KCNH1: variants seen among roughly 807,000 people sequenced by gnomAD.
KCNH1 encodes the protein voltage-gated delayed rectifier potassium channel KCNH1.
In KCNH1, 27 loss-of-function variants were observed where a neutral mutation model predicts 69.2. The ratio of observed to expected loss-of-function variants is 0.39; its 90% CI spans 0.29 to 0.54. The LOEUF (loss-of-function observed/expected upper bound fraction) is 0.54, where lower values mean the gene tolerates loss of function less well. KCNH1 is among the 20% of genes least tolerant of loss of function. The pLI is 0.68. For missense variants in KCNH1, 798 were observed against 1,261.6 expected, an observed-to-expected ratio of 0.63 and a Z score of 5.57; for synonymous variants, 456 against 487.7, an observed-to-expected ratio of 0.93 and a Z score of 0.86.
At position 210,981,372 on chromosome 1, in the gene KCNH1, CA is replaced by C. The variant is rs10684074; in HGVS notation, c.1032+37410del. Among the ~76,000 whole-genome samples, 212 of 85,480 alleles carry C rather than the reference CA, an allele frequency of 2.5e-3. 1 individual carries two copies. Among genetic ancestry groups the C allele is most frequent in the Middle Eastern group, 9.8e-3 (1 of 102 alleles). The allele number at this position is 85,480 out of a possible 152,430, so 56.1% of individuals were successfully genotyped here. ...AATGAGTCATTAGAAGTAACAACGA[CA>C]AAAAAAAAAAAAAAAAAAAGAATCA... On this transcript the variant is annotated intron_variant, in intron 6 of 10. Coordinates refer to ENST00000271751, the MANE Select transcript of KCNH1 (RefSeq NM_172362.3).
At chr1:210,716,196 G>C (rs1365050146) in intron 10 of KCNH1, among the ~76,000 whole-genome samples, 1 of 152,080 alleles carries the variant, frequency 6.6e-6, no homozygotes, top group Non-Finnish European at 1.5e-5. Context: ...CACTTTGGGA[G>C]GCTGAGGCGG....
rs183719859 is a variant in KCNH1 at position 210,788,035 on chromosome 1, G to C, written c.1915+9473C>G. Among the ~76,000 whole-genome samples the C allele has an allele frequency of 2.0e-5, 3 of 152,276 alleles. No homozygotes were observed. In the East Asian group the frequency reaches 5.8e-4, roughly 29 times the overall value. On this transcript the variant is annotated intron_variant, in intron 9 of 10. Coordinates refer to ENST00000271751, the MANE Select transcript of KCNH1 (RefSeq NM_172362.3). ...ACTGCAATTAGATAAAATTAAATTAGCCAAATCTCTCCACCAAGCAAACAG... is the reference window on the plus strand; with the variant it reads ...ACTGCAATTAGATAAAATTAAATTACCCAAATCTCTCCACCAAGCAAACAG...
At chr1:210,797,483 C>A in intron 9 of KCNH1, 25 bp downstream of exon 9, 2 of 1,605,534 alleles carry the variant, frequency 1.2e-6, no homozygotes, top group South Asian at 1.1e-5. Context: ...GATACCTTTG[C>A]CCATCCAGCA....
intron 5 of KCNH1, among the ~76,000 whole-genome samples, chr1:211,073,739 T>G (rs1331237091): frequency 6.6e-6 from 1 of 152,054 alleles, no homozygotes; most frequent in Non-Finnish European, 1.5e-5. Context: ...ATTTTTAGCA[T>G]TAAATGCATA....
At chr1:210,964,317 C>G (rs1317118692) in intron 6 of KCNH1, among the ~76,000 whole-genome samples, 1 of 152,164 alleles carries the variant, frequency 6.6e-6, no homozygotes, top group Non-Finnish European at 1.5e-5. Flanking sequence ...CAACTAGTAT[C>G]AGCCACTGCA....
chr1:210,723,773 G>C (rs1163594273), intron 10 of KCNH1, among the ~76,000 whole-genome samples: 1 of 152,142 alleles, frequency 6.6e-6, no homozygotes, highest in Non-Finnish European at 1.5e-5. Context: ...GGAGTAGAAA[G>C]GTCCAGCACT....
At chr1:211,086,100 G>T (rs181529075) in intron 4 of KCNH1, among the ~76,000 whole-genome samples, 1 of 152,132 alleles carries the variant, frequency 6.6e-6, no homozygotes, top group East Asian at 1.9e-4. Context: ...AGGCTCTATC[G>T]CAGGTGTTTC....
At chr1:210,820,114 A>C (rs1316781326) in intron 7 of KCNH1, among the ~76,000 whole-genome samples, 1 of 152,242 alleles carries the variant, frequency 6.6e-6, no homozygotes, top group Non-Finnish European at 1.5e-5. Context: ...AAGCCTCTAC[A>C]TTTTGGGGTA....
chr1:210,694,294 G>A (rs903853914), intron 10 of KCNH1, among the ~76,000 whole-genome samples: 4 of 152,032 alleles, frequency 2.6e-5, no homozygotes, highest in South Asian at 2.1e-4. Flanking sequence ...GTCCCTTCTC[G>A]GTGCCAGTGT....
At chr1:210,950,473 G>GA (rs1688045323) in intron 6 of KCNH1, among the ~76,000 whole-genome samples, 1 of 147,246 alleles carries the variant, frequency 6.8e-6, no homozygotes, top group Non-Finnish European at 1.5e-5. Context: ...GCAGTGTTTG[G>GA]TTTTTTGTTC....
chr1:210,701,774 A>G (rs1681787058), intron 10 of KCNH1, among the ~76,000 whole-genome samples: 1 of 151,932 alleles, frequency 6.6e-6, no homozygotes, highest in Non-Finnish European at 1.5e-5. Flanking sequence ...CCCCAGAGAC[A>G]TCGTTTCTGG....
chr1:210,688,190 G>T (rs146191447), intron 10 of KCNH1, among the ~76,000 whole-genome samples: 33 of 152,288 alleles, frequency 2.2e-4, no homozygotes, highest in African/African-American at 7.7e-4. Flanking sequence ...CCACTCTTTT[G>T]AATGAAAGAA....
At chr1:210,803,632 T>C (rs1466173883) in intron 8 of KCNH1, among the ~76,000 whole-genome samples, 11 of 152,212 alleles carry the variant, frequency 7.2e-5, no homozygotes, top group Non-Finnish European at 1.6e-4. Flanking sequence ...AAAAGAAAAT[T>C]GACAATACTG....
intron 6 of KCNH1, among the ~76,000 whole-genome samples, chr1:211,003,708 A>C (rs1431820805): frequency 6.6e-6 from 1 of 152,240 alleles, no homozygotes; most frequent in Non-Finnish European, 1.5e-5. Flanking sequence ...AGAGAAAAAG[A>C]ATTCCTACGA....
At chr1:210,908,796 C>A (rs767078448) in intron 7 of KCNH1, among the ~76,000 whole-genome samples, 4 of 152,148 alleles carry the variant, frequency 2.6e-5, no homozygotes, top group Non-Finnish European at 4.4e-5. Flanking sequence ...CCTGCCCAGA[C>A]CAGTTCTGTT....
rs74156890 is a variant in KCNH1, at chr1:211,075,462, C to T, written c.558+7318G>A. On this transcript the variant is annotated intron_variant, in intron 5 of 10. Transcript: ENST00000271751. ...GTTAGAAAGGGTCCCACCATCCAAA[C>T]GTGGATCAAGGACTGACCAGCCATC... is the stretch of plus-strand genomic sequence containing the variant. Among the ~76,000 whole-genome samples, 1,492 of 152,310 alleles carry T rather than the reference C, an allele frequency of 9.8e-3. 30 individuals carry two copies. Among genetic ancestry groups the T allele is most frequent in the African/African-American group, 0.034 (1,414 of 41,558 alleles).
chr1:210,967,879 T>A lies in KCNH1; in HGVS notation c.1033-47810A>T, dbSNP rs530768239. Among the ~76,000 whole-genome samples, 652 of 152,080 alleles carry A rather than the reference T, an allele frequency of 4.3e-3. 8 individuals are homozygous for A. The highest frequency in any genetic ancestry group is 4.1e-3 in the Non-Finnish European group (276 of 67,952). ...TCTCAATTTTTTTTTCTTTTTTTTT[T>A]ATTATACTTTAAGTTTTAGGGTACA... On this transcript the variant is annotated intron_variant, in intron 6 of 10. Transcript: ENST00000271751.
intron 5 of KCNH1, among the ~76,000 whole-genome samples, chr1:211,076,058 T>C (rs1690727328): frequency 6.6e-6 from 1 of 152,074 alleles, no homozygotes; most frequent in African/African-American, 2.4e-5. Flanking sequence ...GAGGCTTGAG[T>C]AGATAAGCAA....
intron 3 of KCNH1, among the ~76,000 whole-genome samples, chr1:211,092,171 G>A (rs891305076): frequency 6.6e-6 from 1 of 152,200 alleles, no homozygotes; most frequent in African/African-American, 2.4e-5. Context: ...GAGATAGAGA[G>A]CAGAAAACTC....
Sources: gnomAD v4.1 joint callset for allele counts (sites outside exome capture counted in the v4.1 genomes callset) on GRCh38, gnomAD v4.1.1 for gene constraint, MANE v1.5 for transcripts, NCBI Gene and HGNC (gene_info 2026-07-23, HGNC 2026-07-21) for gene names.